IMMP2L: variants seen among roughly 807,000 people sequenced by gnomAD.
IMMP2L encodes inner mitochondrial membrane peptidase subunit 2, also known as mitochondrial inner membrane protease subunit 2.
A neutral mutation model predicts 19.3 loss-of-function variants in IMMP2L; 18 were observed. The ratio of observed to expected loss-of-function variants is 0.93; its 90% CI spans 0.64 to 1.38. The LOEUF is 1.38. Among genes scored for constraint, IMMP2L ranks in the 40% most tolerant of loss-of-function variants. The probability of loss-of-function intolerance (pLI) is 0.00; values close to 1 mark genes in which losing one functional copy is unlikely to be tolerated. For missense variants in IMMP2L, 233 were observed against 218.2 expected (o/e 1.07, Z -0.43); for synonymous variants, 76 against 73.0 (o/e 1.04, Z -0.21).
intron 3 of IMMP2L, among the ~76,000 whole-genome samples, chr7:111,063,056 C>A (rs960985864): frequency 2.0e-5 from 3 of 152,350 alleles, no homozygotes; most frequent in Middle Eastern, 3.4e-3. Flanking sequence ...ACTCCCACCT[C>A]ACATTTCCCT....
intron 3 of IMMP2L, among the ~76,000 whole-genome samples, chr7:111,077,807 C>T (rs892991880): frequency 2.6e-5 from 4 of 152,204 alleles, no homozygotes; most frequent in African/African-American, 7.2e-5. Flanking sequence ...TCAGGCCTCG[C>T]GTCCTAACAC....
chr7:110,961,182 C>T (rs1376505627), intron 4 of IMMP2L, among the ~76,000 whole-genome samples: 1 of 151,828 alleles, frequency 6.6e-6, no homozygotes, highest in East Asian at 1.9e-4. Flanking sequence ...CCCACAGATA[C>T]AGTTGTCCCT....
At chr7:111,243,156 A>G (rs1244478312) in intron 3 of IMMP2L, among the ~76,000 whole-genome samples, 1 of 152,140 alleles carries the variant, frequency 6.6e-6, no homozygotes, top group African/African-American at 2.4e-5. Context: ...TTTTAAATGT[A>G]TGGCATGACG....
intron 3 of IMMP2L, among the ~76,000 whole-genome samples, chr7:111,019,790 T>G (rs1826090181): frequency 6.6e-6 from 1 of 152,104 alleles, no homozygotes; most frequent in African/African-American, 2.4e-5. Flanking sequence ...ACACTGTTTA[T>G]TATACCCAGA....
chr7:111,255,424 A>C (rs1816595468), intron 3 of IMMP2L, among the ~76,000 whole-genome samples: 1 of 152,106 alleles, frequency 6.6e-6, no homozygotes, highest in Non-Finnish European at 1.5e-5. Context: ...ATTTTACAAA[A>C]ACATGCTCCA....
chr7:110,897,807 C>T (rs1370061798), intron 4 of IMMP2L, among the ~76,000 whole-genome samples: 1 of 151,696 alleles, frequency 6.6e-6, no homozygotes, highest in African/African-American at 2.4e-5. Flanking sequence ...CAAAAATTAT[C>T]GAATAGAAAA....
intron 3 of IMMP2L, among the ~76,000 whole-genome samples, chr7:111,339,972 G>A (rs576963768): frequency 1.3e-5 from 2 of 152,018 alleles, no homozygotes; most frequent in Admixed American, 1.3e-4. Context: ...AATTATAGTT[G>A]TCAAAGAAAT....
chr7:110,995,586 A>G (rs988959975), intron 3 of IMMP2L, among the ~76,000 whole-genome samples: 1 of 152,154 alleles, frequency 6.6e-6, no homozygotes, highest in Admixed American at 6.6e-5. Flanking sequence ...AACAGTTGTT[A>G]AAATGTTTGG....
chr7:111,140,509 T>C (rs1017843691), intron 3 of IMMP2L, among the ~76,000 whole-genome samples: 2 of 152,172 alleles, frequency 1.3e-5, no homozygotes, highest in African/African-American at 4.8e-5. Context: ...CAAAACACTA[T>C]GCATCATTTA....
intron 3 of IMMP2L, among the ~76,000 whole-genome samples, chr7:111,465,403 G>T (rs949382950): frequency 1.3e-5 from 2 of 149,654 alleles, no homozygotes; most frequent in African/African-American, 5.0e-5. Context: ...CAAAGAAATG[G>T]TCCTTAATAG....
At chr7:111,262,237 T>C (rs973300870) in intron 3 of IMMP2L, among the ~76,000 whole-genome samples, 5 of 151,864 alleles carry the variant, frequency 3.3e-5, no homozygotes, top group Admixed American at 1.3e-4. Flanking sequence ...GTATTTCAGA[T>C]AGGGATAAGT....
At chr7:110,831,654 T>A in intron 5 of IMMP2L, among the ~76,000 whole-genome samples, 1 of 152,092 alleles carries the variant, frequency 6.6e-6, no homozygotes, top group East Asian at 1.9e-4. Context: ...TTATGAGAGG[T>A]TACAAATATT....
intron 5 of IMMP2L, among the ~76,000 whole-genome samples, chr7:110,765,522 C>T (rs1425521228): frequency 6.6e-6 from 1 of 151,986 alleles, no homozygotes; most frequent in Non-Finnish European, 1.5e-5. Flanking sequence ...TATGACATTA[C>T]CACAACCACT....
At chr7:110,742,843 G>A (rs967903607) in intron 5 of IMMP2L, among the ~76,000 whole-genome samples, 6 of 151,978 alleles carry the variant, frequency 3.9e-5, no homozygotes, top group Non-Finnish European at 5.9e-5. Context: ...CATTAAGTAG[G>A]GGATGCAATA....
At chr7:110,747,368 GA>G (rs1193371482) in intron 5 of IMMP2L, among the ~76,000 whole-genome samples, 2 of 152,094 alleles carry the variant, frequency 1.3e-5, no homozygotes, top group African/African-American at 4.8e-5. Flanking sequence ...CCAAACAACA[GA>G]AAAAGAGGGA....
intron 5 of IMMP2L, among the ~76,000 whole-genome samples, chr7:110,874,777 A>G (rs1808896384): frequency 6.6e-6 from 1 of 152,092 alleles, no homozygotes; most frequent in Admixed American, 6.6e-5. Context: ...AATGCCACAG[A>G]TTGGGTAATT....
chr7:110,818,403 A>G (rs1486875320), intron 5 of IMMP2L, among the ~76,000 whole-genome samples: 4 of 152,184 alleles, frequency 2.6e-5, no homozygotes, highest in Admixed American at 1.3e-4. Context: ...GCAAATCAAA[A>G]CCACAATGAG....
At chr7:110,796,442 C>A (rs1174544728) in intron 5 of IMMP2L, among the ~76,000 whole-genome samples, 4 of 152,000 alleles carry the variant, frequency 2.6e-5, no homozygotes, top group Admixed American at 6.6e-5. Context: ...ATTTTACTAT[C>A]TTTTCTTGTC....
intron 3 of IMMP2L, among the ~76,000 whole-genome samples, chr7:111,028,275 A>G (rs2129568255): frequency 6.6e-6 from 1 of 152,204 alleles, no homozygotes; most frequent in South Asian, 2.1e-4. Context: ...AGTCTGTCAT[A>G]TTTTATGAGA....
Sources: gnomAD v4.1 joint callset for allele counts (sites outside exome capture counted in the v4.1 genomes callset) on GRCh38, gnomAD v4.1.1 for gene constraint, MANE v1.5 for transcripts, NCBI Gene and HGNC (gene_info 2026-07-23, HGNC 2026-07-21) for gene names.